Variants in NKAIN2 observed in about 807,000 individuals in gnomAD.
NKAIN2 encodes the protein sodium/potassium transporting ATPase interacting 2.
In NKAIN2, 14 loss-of-function variants were observed where a neutral mutation model predicts 32.6. The ratio of observed to expected loss-of-function variants is 0.43; its 90% CI spans 0.28 to 0.67. NKAIN2 has a LOEUF of 0.67. Among genes scored for constraint, NKAIN2 ranks in the 30% least tolerant of loss-of-function variants. The pLI, the probability that NKAIN2 is intolerant of heterozygous loss-of-function variation, is 0.17. For missense variants in NKAIN2, 198 were observed against 258.3 expected (o/e 0.77, Z 1.60); for synonymous variants, 80 against 87.2 (o/e 0.92, Z 0.46).
chr6:124,376,664 G>C (rs985110985), intron 3 of NKAIN2, among the ~76,000 whole-genome samples: 2 of 152,056 alleles, frequency 1.3e-5, no homozygotes, highest in Non-Finnish European at 2.9e-5. Flanking sequence ...TACAGTTAGA[G>C]GCCCTTCTCA....
chr6:124,276,662 G>A (rs1277815651), intron 1 of NKAIN2, among the ~76,000 whole-genome samples: 1 of 152,076 alleles, frequency 6.6e-6, no homozygotes, highest in Non-Finnish European at 1.5e-5. Context: ...TATTTGTAGA[G>A]TTTTGCTTTG....
chr6:123,834,243 C>T (rs1774515141), intron 1 of NKAIN2, among the ~76,000 whole-genome samples: 1 of 151,982 alleles, frequency 6.6e-6, no homozygotes, highest in African/African-American at 2.4e-5. Context: ...CCACCTCTGC[C>T]TCCCGGGTTC....
At chr6:124,658,431 G>GT (rs755055551) in intron 4 of NKAIN2, 45 bp downstream of exon 4, 1 of 1,613,760 alleles carries the variant, frequency 6.2e-7, no homozygotes, top group Non-Finnish European at 8.5e-7. Flanking sequence ...CTCTGGGGTT[G>GT]TTTTATTTCT....
intron 1 of NKAIN2, among the ~76,000 whole-genome samples, chr6:123,874,743 A>T (rs749883175): frequency 2.6e-5 from 4 of 152,124 alleles, no homozygotes; most frequent in Non-Finnish European, 5.9e-5. Flanking sequence ...ACTTCTTCTG[A>T]TTATAAAAAT....
chr6:124,191,175 G>A (rs775072952), intron 1 of NKAIN2, among the ~76,000 whole-genome samples: 6 of 152,074 alleles, frequency 3.9e-5, no homozygotes, highest in Non-Finnish European at 7.4e-5. Flanking sequence ...TTACAAAAAC[G>A]TTTGTAGAAT....
intron 3 of NKAIN2, among the ~76,000 whole-genome samples, chr6:124,414,209 G>C (rs891371852): frequency 1.3e-5 from 2 of 151,888 alleles, no homozygotes; most frequent in Non-Finnish European, 2.9e-5. Context: ...GTTTCCTTCT[G>C]TTTCTTCTTT....
chr6:124,667,108 C>G (rs1484723083), intron 4 of NKAIN2, among the ~76,000 whole-genome samples: 11 of 152,108 alleles, frequency 7.2e-5, no homozygotes, highest in Non-Finnish European at 2.9e-5. Flanking sequence ...TAGTTCACCA[C>G]TATCCTACAC....
chr6:124,629,766 A>G (rs2114301155), intron 3 of NKAIN2, among the ~76,000 whole-genome samples: 1 of 152,302 alleles, frequency 6.6e-6, no homozygotes, highest in Middle Eastern at 3.4e-3. Flanking sequence ...CAATTTAGGA[A>G]GGGGCAGAGC....
intron 1 of NKAIN2, among the ~76,000 whole-genome samples, chr6:123,992,357 T>G: frequency 6.6e-6 from 1 of 152,140 alleles, no homozygotes; most frequent in East Asian, 1.9e-4. Context: ...AAGGAAATTT[T>G]GCTGAAAATG....
At chr6:123,933,033 G>T (rs1221415088) in intron 1 of NKAIN2, among the ~76,000 whole-genome samples, 3 of 152,066 alleles carry the variant, frequency 2.0e-5, no homozygotes, top group Non-Finnish European at 4.4e-5. Flanking sequence ...CTGTCTGTCT[G>T]TTACCAACAT....
intron 3 of NKAIN2, among the ~76,000 whole-genome samples, chr6:124,476,775 A>G (rs1777234029): frequency 6.6e-6 from 1 of 152,172 alleles, no homozygotes; most frequent in Non-Finnish European, 1.5e-5. Context: ...GATGTGAGAT[A>G]GGAACTGTTA....
At chr6:124,318,734 T>C (rs2115018923) in intron 2 of NKAIN2, among the ~76,000 whole-genome samples, 1 of 151,552 alleles carries the variant, frequency 6.6e-6, no homozygotes, top group South Asian at 2.1e-4. Flanking sequence ...ATCATAACAC[T>C]AAGTACAGAA....
At chr6:124,681,054 G>C (rs1327465978) in intron 4 of NKAIN2, among the ~76,000 whole-genome samples, 1 of 151,698 alleles carries the variant, frequency 6.6e-6, no homozygotes, top group Non-Finnish European at 1.5e-5. Flanking sequence ...ACAGTCCATA[G>C]AGATTATTTA....
At chr6:124,567,783 G>A (rs958042824) in intron 3 of NKAIN2, among the ~76,000 whole-genome samples, 4 of 152,110 alleles carry the variant, frequency 2.6e-5, no homozygotes, top group African/African-American at 7.2e-5. Context: ...AGTCTTTGCC[G>A]CATATACTTC....
intron 1 of NKAIN2, among the ~76,000 whole-genome samples, chr6:124,145,077 A>G (rs1787334000): frequency 6.6e-6 from 1 of 152,232 alleles, no homozygotes; most frequent in African/African-American, 2.4e-5. Context: ...CTATAATCAG[A>G]TATCACTACA....
chr6:124,505,468 G>T (rs553524428), intron 3 of NKAIN2, among the ~76,000 whole-genome samples: 1 of 152,134 alleles, frequency 6.6e-6, no homozygotes, highest in African/African-American at 2.4e-5. Context: ...ATTTCCATTC[G>T]TAACTGTGGC....
chr6:124,256,631 T>G (rs1413338963), intron 1 of NKAIN2, among the ~76,000 whole-genome samples: 1 of 152,190 alleles, frequency 6.6e-6, no homozygotes, highest in African/African-American at 2.4e-5. Flanking sequence ...ATTTCCAGTC[T>G]TTCTCTAATG....
intron 1 of NKAIN2, among the ~76,000 whole-genome samples, chr6:123,895,206 C>A (rs560710443): frequency 2.0e-5 from 3 of 151,982 alleles, no homozygotes; most frequent in African/African-American, 7.2e-5. Context: ...CAGACACACA[C>A]ACACACACAC....
At chr6:123,882,152 T>C (rs972577036) in intron 1 of NKAIN2, among the ~76,000 whole-genome samples, 2 of 152,118 alleles carry the variant, frequency 1.3e-5, no homozygotes, top group Non-Finnish European at 2.9e-5. Flanking sequence ...CACTTTTATG[T>C]TGTGTTTTAA....
Sources: gnomAD v4.1 joint callset for allele counts (sites outside exome capture counted in the v4.1 genomes callset) on GRCh38, gnomAD v4.1.1 for gene constraint, MANE v1.5 for transcripts, NCBI Gene and HGNC (gene_info 2026-07-23, HGNC 2026-07-21) for gene names.